The following MYO1F variants were observed in gnomAD, a reference collection of about 807,000 sequenced individuals.
The protein encoded by MYO1F is myosin IF.
MYO1F carries 60 observed loss-of-function variants against 146.6 expected under a neutral mutation model. The ratio of observed to expected loss-of-function variants is 0.41; its 90% CI spans 0.33 to 0.51. The LOEUF (loss-of-function observed/expected upper bound fraction) is 0.51. Ranked by LOEUF, MYO1F falls within the 20% of genes least tolerant of loss-of-function variation. MYO1F has a pLI of 0.25. For synonymous variants in MYO1F, 602 were observed against 602.1 expected, an observed-to-expected ratio of 1.00 and a Z score of 0.00; for missense variants, 1,274 against 1,534.3, an observed-to-expected ratio of 0.83 and a Z score of 2.83.
At chr19:8,527,559 G>A (rs1419350885) in intron 21 of MYO1F, 76 bp from the exon 22 acceptor site, 2 of 1,579,512 alleles carry the variant, frequency 1.3e-6, no homozygotes, top group Non-Finnish European at 1.7e-6. Context: ...CCCAGGCAGA[G>A]GGGTGGTGCT....
At chr19:8,535,902 C>T (rs886708130) in intron 19 of MYO1F, among the ~76,000 whole-genome samples, 12 of 151,850 alleles carry the variant, frequency 7.9e-5, no homozygotes, top group African/African-American at 1.5e-4. Context: ...AGGATGGTCT[C>T]GATCTCCTGG....
At chr19:8,566,230 T>G (rs1467055530) in intron 1 of MYO1F, among the ~76,000 whole-genome samples, 1 of 143,408 alleles carries the variant, frequency 7.0e-6, no homozygotes, top group Non-Finnish European at 1.5e-5. Context: ...TGCAGTGGCA[T>G]GATCTCGGCT....
chr19:8,526,640 G>A, intron 23 of MYO1F, 39 bp from the exon 24 acceptor site: 2 of 1,565,058 alleles, frequency 1.3e-6, no homozygotes, highest in Non-Finnish European at 1.7e-6. Context: ...GCTGGCTGAG[G>A]TCCCCCGCCC....
chr19:8,528,741 A>G (rs573443839), intron 21 of MYO1F, among the ~76,000 whole-genome samples: 8 of 152,294 alleles, frequency 5.3e-5, no homozygotes, highest in Non-Finnish European at 8.8e-5. Context: ...TACTTGGGTC[A>G]TGTGACTGTA....
intron 25 of MYO1F, among the ~76,000 whole-genome samples, chr19:8,524,604 G>T (rs867199118): frequency 2.0e-4 from 30 of 147,202 alleles, no homozygotes; most frequent in Middle Eastern, 7.0e-3. Context: ...AAAAAAGAAA[G>T]AATTTTTGGT....
rs145346891 is a variant in MYO1F at position 8,522,317 on chromosome 19, C to T, written c.3220+60G>A. The T allele has an allele frequency of 9.5e-3, 15,231 of 1,608,522 alleles. 419 individuals are homozygous for T. The highest frequency in any genetic ancestry group is 0.093 in the African/African-American group (6,965 of 74,918). The stretch of plus-strand genomic sequence containing the variant: ...GATTACAGGCGTGAGCCACCGCGCC[C>T]GGCCGATGTCAGGGTTCTTACCACT... On this transcript the variant is annotated intron_variant, in intron 27 of 27. Coordinates refer to ENST00000644032, the MANE Select transcript of MYO1F (RefSeq NM_012335.4).
intron 27 of MYO1F, 68 bp from the exon 28 acceptor site, chr19:8,521,672 T>A: frequency 6.9e-7 from 1 of 1,440,776 alleles, no homozygotes. Flanking sequence ...GCCTGGTCTG[T>A]CCATCTTGTT....
At chr19:8,523,089 T>C (rs1011882606) in intron 25 of MYO1F, among the ~76,000 whole-genome samples, 4 of 151,778 alleles carry the variant, frequency 2.6e-5, no homozygotes, top group African/African-American at 9.7e-5. Flanking sequence ...TGGAGTGCAG[T>C]GGCGCGATCT....
At chr19:8,567,194 G>A (rs752186562) in intron 1 of MYO1F, among the ~76,000 whole-genome samples, 1 of 151,072 alleles carries the variant, frequency 6.6e-6, no homozygotes, top group Non-Finnish European at 1.5e-5. Context: ...ATCCTCTCGA[G>A]TAGCTGGGAT....
chr19:8,570,336 C>T (rs894409911), intron 1 of MYO1F, among the ~76,000 whole-genome samples: 1 of 151,696 alleles, frequency 6.6e-6, no homozygotes, highest in Admixed American at 6.6e-5. Flanking sequence ...TCCCAAAGTG[C>T]TGGGATTATA....
Position 8,575,497 on chromosome 19 carries a change from G to A in MYO1F, c.3+1810C>T, listed in dbSNP as rs113344276. Among the ~76,000 whole-genome samples the A allele has an allele frequency of 5.3e-3, 810 of 151,808 alleles. 5 individuals are homozygous for A. The highest frequency in any genetic ancestry group is 0.017 in the African/African-American group (688 of 41,398). On this transcript the variant is annotated intron_variant, in intron 1 of 27. Transcript: ENST00000644032. Reference sequence around the variant, plus strand: ...GAGAATCTGAGAGGAGGTGGAGCTCGGGCTTGCTTGCCTGCCACTCATCTC... The same window carrying A: ...GAGAATCTGAGAGGAGGTGGAGCTCAGGCTTGCTTGCCTGCCACTCATCTC...
chr19:8,522,540 C>T lies in MYO1F; in HGVS notation c.3057G>A (p.Gln1019=). ...GCCGTTGCCCCACGCTGCGCTTCCTCTGCATGCTGTGGGCACAGGGGGTTT... is the reference window on the plus strand; with the variant it reads ...GCCGTTGCCCCACGCTGCGCTTCCTTTGCATGCTGTGGGCACAGGGGGTTT... ...NVPDQGMAGM[Q]RKRSVGQRPV... is the part of the protein sequence containing the mutation. The change falls in exon 27 of 28, where the codon CAG becomes CAA. Residue 1019 remains glutamine (Q), a synonymous_variant. Transcript: ENST00000644032. 1.2e-6 allele frequency: 2 copies of T among 1,612,396 alleles called. No individual in the cohort carries two copies. Among genetic ancestry groups the T allele is most frequent in the East Asian group, 2.2e-5 (1 of 44,814 alleles).
At chr19:8,547,139 A>C (rs1235060964) in intron 12 of MYO1F, among the ~76,000 whole-genome samples, 1 of 151,890 alleles carries the variant, frequency 6.6e-6, no homozygotes, top group East Asian at 1.9e-4. Context: ...CTCTACAAAA[A>C]AGTTTTAAAA....
chr19:8,541,273 G>C (rs1972951144), intron 15 of MYO1F, among the ~76,000 whole-genome samples: 1 of 151,792 alleles, frequency 6.6e-6, no homozygotes, highest in South Asian at 2.1e-4. Context: ...GACCTCCAGT[G>C]ATCCTTCTGG....
At chr19:8,541,426 T>TG (rs1555723030) in intron 15 of MYO1F, among the ~76,000 whole-genome samples, 351 of 60,146 alleles carry the variant, frequency 5.8e-3, no homozygotes, top group Middle Eastern at 0.013. Context: ...TGTGTGTGTG[T>TG]TTTTTTTTTT....
At chr19:8,528,099 G>A (rs897856437) in intron 21 of MYO1F, among the ~76,000 whole-genome samples, 2 of 152,140 alleles carry the variant, frequency 1.3e-5, no homozygotes, top group South Asian at 4.1e-4. Flanking sequence ...GTGGGCACCT[G>A]TAGTCCCAGC....
At position 8,550,961 on chromosome 19, in the gene MYO1F, ACCT is replaced by A. The variant is rs891497924; in HGVS notation, c.772-270_772-268del. Among the ~76,000 whole-genome samples the A allele has an allele frequency of 3.3e-5, 5 of 151,638 alleles. No homozygotes were observed. In the East Asian group the frequency reaches 5.8e-4, roughly 18 times the overall value. ...AGTGGTATGATCTTGGCTCACTGCA[ACCT>A]CCTCATCCCAGGTTCAAGCGATTTT... On this transcript the variant is annotated intron_variant, in intron 8 of 27. Coordinates refer to ENST00000644032, the MANE Select transcript of MYO1F (RefSeq NM_012335.4).
rs1302349633 is a variant in MYO1F at position 8,527,354 on chromosome 19, G to A, written c.2458C>T (p.Arg820Trp). Residue 820 changes from arginine to tryptophan, a missense_variant, in exon 22 of 28, where the codon CGG becomes TGG. Arg to Trp is a moderately radical substitution (Grantham distance 101, BLOSUM62 -3). Transcript: ENST00000644032. ...LKKKVDIQAL[R>W]GVSLSTRQDD... The stretch of plus-strand genomic sequence containing the variant: ...TGGCTTCACCTGAGGGAGACTCCCC[G>A]CAGAGCCTGGATGTCCACTTTCTTC... The A allele has an allele frequency of 4.3e-6, 7 of 1,613,934 alleles. No individual in the cohort carries two copies. Among genetic ancestry groups the A allele is most frequent in the East Asian group, 2.2e-5 (1 of 44,880 alleles).
Position 8,572,280 on chromosome 19 carries a change from C to T in MYO1F, c.3+5027G>A, listed in dbSNP as rs1805036978. On this transcript the variant is annotated intron_variant, in intron 1 of 27. Transcript: ENST00000644032. ...AATCAATTATGGGCATTTTTTTTTCCCCTCTGAGACAGAGTCTCGCTCTGT... is the reference window on the plus strand; with the variant it reads ...AATCAATTATGGGCATTTTTTTTTCTCCTCTGAGACAGAGTCTCGCTCTGT... 2.0e-5 allele frequency among the ~76,000 whole-genome samples: 3 copies of T among 151,140 alleles called. No homozygotes were observed. The South Asian group carries it at 6.2e-4, about 31-fold the overall frequency.
Sources: allele counts gnomAD v4.1 joint callset (sites outside exome capture counted in the v4.1 genomes callset), GRCh38; gene constraint gnomAD v4.1.1; transcripts MANE v1.5; gene names NCBI Gene and HGNC (gene_info 2026-07-23, HGNC 2026-07-21).